Variants in RAD51C observed in about 807,000 individuals in gnomAD.
RAD51C encodes the protein RAD51 paralog C.
RAD51C carries 42 observed loss-of-function variants against 45.0 expected under a neutral mutation model. The observed-to-expected ratio is 0.93, with a 90% CI of 0.73 to 1.21. The LOEUF is 1.21. Ranked by LOEUF, RAD51C falls within the 50% of genes most tolerant of loss-of-function variation. The pLI, the probability that RAD51C is intolerant of heterozygous loss-of-function variation, is 0.00. For synonymous variants in RAD51C, 172 were observed against 159.8 expected, an observed-to-expected ratio of 1.08 and a Z score of -0.58; for missense variants, 474 against 452.2, an observed-to-expected ratio of 1.05 and a Z score of -0.44.
rs1555602110 is a variant in RAD51C, at chr17:58,720,772, A to G, written c.864A>G (p.Thr288=). The G allele has an allele frequency of 1.2e-6, 2 of 1,612,704 alleles. No homozygotes were observed. Among genetic ancestry groups the G allele is most frequent in the Non-Finnish European group, 1.7e-6 (2 of 1,179,108 alleles). Residue 288 remains threonine, a synonymous_variant, in exon 6 of 9, where the codon ACA becomes ACG. Transcript: ENST00000337432. ...LAVILTNQMT[T]KIDRNQALLV... ...TAATTTTAACCAATCAGATGACAAC[A>G]AAGATTGATAGAAATCAGGCCTTGC...
Position 58,720,761 on chromosome 17 carries a change from CA to C in RAD51C, c.854del (p.Gln285ArgfsTer2). 1 of 1,611,880 alleles carries C rather than the reference CA, an allele frequency of 6.2e-7. No individual in the cohort carries two copies. The highest frequency in any genetic ancestry group is 2.2e-5 in the East Asian group (1 of 44,802). On this transcript the variant is annotated frameshift_variant, in exon 6 of 9. Coordinates refer to ENST00000337432, the MANE Select transcript of RAD51C (RefSeq NM_058216.3). LOFTEE classifies it high-confidence loss of function. ...NHRLAVILTN[Q>X]MTTKIDRNQA... ...GTTTTTGTAGGTAATTTTAACCAAT[CA>C]GATGACAACAAAGATTGATAGAAAT...
intron 5 of RAD51C, among the ~76,000 whole-genome samples, chr17:58,714,007 TAG>T (rs2048646824): frequency 6.6e-6 from 1 of 151,536 alleles, no homozygotes; most frequent in Non-Finnish European, 1.5e-5. Flanking sequence ...CTGTTTTAGA[TAG>T]AGTCTTCCTC....
rs876659009 is a variant in RAD51C at position 58,724,047 on chromosome 17, T to A, written c.912T>A (p.Ser304Arg). 1 of 1,612,696 alleles carries A rather than the reference T, an allele frequency of 6.2e-7. No individual in the cohort carries two copies. Among genetic ancestry groups the A allele is most frequent in the African/African-American group, 1.3e-5 (1 of 74,872 alleles). The change falls in exon 7 of 9, where the codon AGT becomes AGA. Residue 304 changes from serine to arginine, a missense_variant. By Grantham distance (110) the Ser-to-Arg change is moderately radical. Coordinates refer to ENST00000337432, the MANE Select transcript of RAD51C (RefSeq NM_058216.3). Reference sequence around the variant, plus strand: ...TATGTTTTTTACTCTCAGGGGAAAGTTGGGGACATGCTGCTACAATACGGC... The same window carrying A: ...TATGTTTTTTACTCTCAGGGGAAAGATGGGGACATGCTGCTACAATACGGC... ...QALLVPALGE[S>R]WGHAATIRLI...
chr17:58,718,776 A>G (rs2048821548), intron 5 of RAD51C, among the ~76,000 whole-genome samples: 1 of 151,960 alleles, frequency 6.6e-6, no homozygotes, highest in Non-Finnish European at 1.5e-5. Flanking sequence ...GTCTCTTCTC[A>G]TAATTTGTTG....
At chr17:58,726,530 G>T in intron 7 of RAD51C, among the ~76,000 whole-genome samples, 1 of 113,968 alleles carries the variant, frequency 8.8e-6, no homozygotes, top group Middle Eastern at 4.2e-3. Flanking sequence ...ATATACATAT[G>T]TATATATGTG....
rs998655673 is a variant in RAD51C, at chr17:58,734,101, T to C, written c.1027-17T>C. The C allele has an allele frequency of 3.1e-6, 5 of 1,604,092 alleles. No homozygotes were observed. The South Asian group carries it at 5.6e-5, about 18-fold the overall frequency. On this transcript the variant is annotated splice_polypyrimidine_tract_variant and intron_variant, in intron 8 of 8. Transcript: ENST00000337432. Reference sequence around the variant, plus strand: ...TGTTCTTAAAGCATATTTGTATATATATTTTTTATCTTTCAGCCTCAGGGA... The same window carrying C: ...TGTTCTTAAAGCATATTTGTATATACATTTTTTATCTTTCAGCCTCAGGGA...
chr17:58,703,484 T>G (rs950606402), intron 4 of RAD51C, among the ~76,000 whole-genome samples, 155 bp downstream of exon 4: 1 of 152,188 alleles, frequency 6.6e-6, no homozygotes, highest in Non-Finnish European at 1.5e-5. Context: ...TATATTTATA[T>G]TTGTTTTGTG....
chr17:58,726,928 C>T (rs1353210944), intron 7 of RAD51C, among the ~76,000 whole-genome samples: 1 of 152,076 alleles, frequency 6.6e-6, no homozygotes, highest in Non-Finnish European at 1.5e-5. Context: ...TCACGCCATT[C>T]TCCTGCCTCA....
At chr17:58,732,263 G>T in intron 7 of RAD51C, 1 of 439,708 alleles carries the variant, frequency 2.3e-6, no homozygotes, top group Non-Finnish European at 4.1e-6. Flanking sequence ...TCAGTCATTG[G>T]ACTTTTAGGT....
At chr17:58,722,173 AG>A (rs1247418413) in intron 6 of RAD51C, among the ~76,000 whole-genome samples, 1 of 152,198 alleles carries the variant, frequency 6.6e-6, no homozygotes, top group Non-Finnish European at 1.5e-5. Flanking sequence ...CCCAGATACC[AG>A]GAAGTTGGGA....
intron 3 of RAD51C, among the ~76,000 whole-genome samples, chr17:58,702,522 G>A (rs1039864086): frequency 2.0e-5 from 3 of 151,660 alleles, no homozygotes; most frequent in East Asian, 3.9e-4. Context: ...GTGAAACCCC[G>A]TCTCTACTAA....
intron 5 of RAD51C, among the ~76,000 whole-genome samples, chr17:58,713,033 G>A (rs2048612628): frequency 6.6e-6 from 1 of 151,740 alleles, no homozygotes; most frequent in African/African-American, 2.4e-5. Flanking sequence ...GGCTGAGGTG[G>A]GAGTATTGCT....
At chr17:58,701,421 T>C (rs911107502) in intron 3 of RAD51C, among the ~76,000 whole-genome samples, 1 of 150,420 alleles carries the variant, frequency 6.6e-6, no homozygotes, top group African/African-American at 2.4e-5. Flanking sequence ...GGCAGGAGAA[T>C]GGCATGAACC....
chr17:58,703,982 C>T (rs1196382725), intron 4 of RAD51C, among the ~76,000 whole-genome samples: 1 of 128,484 alleles, frequency 7.8e-6, no homozygotes, highest in Non-Finnish European at 1.6e-5. Context: ...GAGTCAACTC[C>T]TGGGGTTAAG....
At chr17:58,720,924 T>C (rs2048898827) in intron 6 of RAD51C, 112 bp downstream of exon 6, 10 of 877,430 alleles carry the variant, frequency 1.1e-5, no homozygotes, top group Non-Finnish European at 1.8e-5. Context: ...ATTTGTCTTG[T>C]TCACTGGTTA....
intron 7 of RAD51C, among the ~76,000 whole-genome samples, chr17:58,727,226 G>A (rs2049198007): frequency 2.0e-5 from 3 of 151,524 alleles, no homozygotes; most frequent in African/African-American, 7.3e-5. Context: ...CTGGGGTCAA[G>A]TGATTCTCTT....
At chr17:58,710,034 CTG>C in intron 5 of RAD51C, 44 bp downstream of exon 5, 1 of 1,566,674 alleles carries the variant, frequency 6.4e-7, no homozygotes. Flanking sequence ...AAAGTCAAGA[CTG>C]TATAAAATGT....
At chr17:58,715,144 C>A (rs77134979) in intron 5 of RAD51C, among the ~76,000 whole-genome samples, 134 of 144,954 alleles carry the variant, frequency 9.2e-4, no homozygotes, top group African/African-American at 2.0e-3. Context: ...AAAAAAAAAA[C>A]AAAAAAAAAC....
chr17:58,709,470 G>T (rs1309522457), intron 4 of RAD51C, among the ~76,000 whole-genome samples: 1 of 152,070 alleles, frequency 6.6e-6, no homozygotes, highest in Non-Finnish European at 1.5e-5. Context: ...GAACAGCTTT[G>T]TAACTTTCCA....
Sources: gnomAD v4.1 joint callset for allele counts (sites outside exome capture counted in the v4.1 genomes callset) on GRCh38, gnomAD v4.1.1 for gene constraint, MANE v1.5 for transcripts, NCBI Gene and HGNC (gene_info 2026-07-23, HGNC 2026-07-21) for gene names.